SLC4A11: variants seen among roughly 807,000 people sequenced by gnomAD.
SLC4A11 encodes bicarbonate transporter related protein 1.
A neutral mutation model predicts 95.0 loss-of-function variants in SLC4A11; 74 were observed. The ratio of observed to expected loss-of-function variants is 0.78; its 90% CI spans 0.65 to 0.95. The LOEUF (loss-of-function observed/expected upper bound fraction) is 0.95, where lower values mean the gene tolerates loss of function less well. Ranked by LOEUF, SLC4A11 falls within the 40% of genes least tolerant of loss-of-function variation. The probability of loss-of-function intolerance (pLI) is 0.00; values close to 1 mark genes in which losing one functional copy is unlikely to be tolerated. For missense variants in SLC4A11, 1,081 were observed against 1,192.4 expected, an observed-to-expected ratio of 0.91 and a Z score of 1.38; for synonymous variants, 548 against 519.0, an observed-to-expected ratio of 1.06 and a Z score of -0.76.
Position 3,227,866 on chromosome 20 carries a change from G to A in SLC4A11, c.2559-10C>T. 1.2e-6 allele frequency: 2 copies of A among 1,612,114 alleles called. No individual in the cohort carries two copies. Among genetic ancestry groups the A allele is most frequent in the African/African-American group, 1.3e-5 (1 of 74,982 alleles). ...GGGCAGCAGGATATAGCTGTGGGGA[G>A]GGAGGGACAGGAGGATGAGCCTGGG... On this transcript the variant is annotated splice_polypyrimidine_tract_variant and intron_variant, in intron 19 of 19. Transcript: ENST00000642402.
rs767506230 is a variant in SLC4A11 at position 3,229,237 on chromosome 20, C to T, written c.1876G>A (p.Glu626Lys). The T allele has an allele frequency of 3.3e-5, 54 of 1,612,826 alleles. No individual in the cohort carries two copies. Among genetic ancestry groups the T allele is most frequent in the African/African-American group, 9.3e-5 (7 of 74,926 alleles). ...ATCTGCGCCATCGCAAAGGGGCTCT[C>T]GCTGGGGTTGTAGCGGAACTTGCTC... ...EMSKFRYNPSESPFAMAQIQS... is the reference protein window; with the variant it reads ...EMSKFRYNPSKSPFAMAQIQS... Residue 626 changes from glutamate (E) to lysine (K), a missense_variant, in exon 16 of 20, where the codon GAG becomes AAG. Physicochemically the swap from Glu to Lys is moderately conservative, Grantham distance 56. Around this residue, in one of 3 missense-constraint regions of SLC4A11, gnomAD observed 767 missense variants for 858.0 expected, o/e 0.89. Coordinates refer to ENST00000642402, the MANE Select transcript of SLC4A11 (RefSeq NM_001174089.2).
At chr20:3,233,483 T>G (rs2067849720) in intron 7 of SLC4A11, 31 bp downstream of exon 7, 14 of 1,612,484 alleles carry the variant, frequency 8.7e-6, no homozygotes, top group Non-Finnish European at 1.2e-5. Context: ...GGGCCCTCCT[T>G]CTTCCCCAGG....
At chr20:3,227,417 T>C (rs907374412), downstream of SLC4A11, 11 of 296,484 alleles carry the variant, frequency 3.7e-5, no homozygotes, top group African/African-American at 8.6e-5. Context: ...AGGTGGCACA[T>C]AGGAGCCTAG....
In SLC4A11 at chr20:3,232,475, C is replaced by T. The variant is rs141326250; in HGVS notation, c.730-927G>A. On this transcript the variant is annotated intron_variant, in intron 7 of 19. Coordinates refer to ENST00000642402, the MANE Select transcript of SLC4A11 (RefSeq NM_001174089.2). ...AACTTTTTTGGGAGGCTAAGGCAGG[C>T]AGATCACTTGAGGTCAAGAGTTCAA... 4.8e-3 allele frequency among the ~76,000 whole-genome samples: 724 copies of T among 152,364 alleles called. 5 individuals carry two copies. Among genetic ancestry groups the T allele is most frequent in the African/African-American group, 0.017 (688 of 41,582 alleles).
In SLC4A11 at chr20:3,233,645, G is replaced by T; in HGVS notation, c.606-8C>A. The T allele has an allele frequency of 6.2e-7, 1 of 1,611,484 alleles. No homozygotes were observed. Among genetic ancestry groups the T allele is most frequent in the Non-Finnish European group, 8.5e-7 (1 of 1,179,992 alleles). ...AGGGCCTTCATGGTACAGCTGGCAG[G>T]GGCGGGGAGGACACAGTGCACAGTT... On this transcript the variant is annotated splice_polypyrimidine_tract_variant and splice_region_variant and intron_variant, in intron 6 of 19. Transcript: ENST00000642402.
At position 3,230,641 on chromosome 20, in the gene SLC4A11, C is replaced by G. The variant is rs373639245; in HGVS notation, c.1289G>C (p.Arg430Pro). The stretch of plus-strand genomic sequence containing the variant: ...CAGGTCATAGTCATCACAGATGACA[C>G]GAATCACTGCAGGCAGGGGGCAGGG... ...APLALYIQVI[R>P]VICDDYDLDF... Residue 430 changes from arginine to proline, a missense_variant, in exon 12 of 20, where the codon CGT becomes CCT. Arg to Pro is a moderately radical substitution (Grantham distance 103, BLOSUM62 -2). Coordinates refer to ENST00000642402, the MANE Select transcript of SLC4A11 (RefSeq NM_001174089.2). 3 of 1,613,358 alleles carry G rather than the reference C, an allele frequency of 1.9e-6. No individual in the cohort carries two copies. Among genetic ancestry groups the G allele is most frequent in the Non-Finnish European group, 1.7e-6 (2 of 1,179,956 alleles).
In SLC4A11 at chr20:3,229,696, G is replaced by T. The variant is rs935729454; in HGVS notation, c.1570C>A (p.Leu524Ile). 6.2e-7 allele frequency: 1 copy of T among 1,613,948 alleles called. No individual in the cohort carries two copies. Among genetic ancestry groups the T allele is most frequent in the African/African-American group, 1.3e-5 (1 of 75,060 alleles). The change falls in exon 14 of 20, where the codon CTC (leucine) becomes ATC (isoleucine). Residue 524 changes from leucine to isoleucine, a missense_variant. Leu to Ile is a conservative substitution (Grantham distance 5). Coordinates refer to ENST00000642402, the MANE Select transcript of SLC4A11 (RefSeq NM_001174089.2). ...AGGCTGGCGTTGAGGCTGGCGCCGA[G>T]GCCTGACAGGCTGACAAGGGATGAA... ...RTSSLVSLSG[L>I]GASLNASLHT...
intron 2 of SLC4A11, among the ~76,000 whole-genome samples, chr20:3,235,439 C>T (rs187575714): frequency 2.0e-5 from 3 of 152,168 alleles, no homozygotes; most frequent in East Asian, 3.9e-4. Flanking sequence ...AGACCCAGGA[C>T]AGGTATCAGA....
At chr20:3,239,074 C>A in intron 1 of SLC4A11, 21 bp downstream of exon 1, 1 of 1,470,226 alleles carries the variant, frequency 6.8e-7, no homozygotes, top group Non-Finnish European at 9.0e-7. Flanking sequence ...TCCCGCCGCG[C>A]CCCCGGGTTC....
chr20:3,233,366 A>G, intron 7 of SLC4A11, 148 bp downstream of exon 7: 5 of 1,181,000 alleles, frequency 4.2e-6, no homozygotes, highest in South Asian at 2.7e-5. Context: ...GCCTAGCAAC[A>G]TGTTTCTGAC....
rs1261171078 is a variant in SLC4A11 at position 3,237,665 on chromosome 20, C to T, written c.44-77G>A. 6.2e-7 allele frequency: 1 copy of T among 1,613,954 alleles called. No homozygotes were observed. Among genetic ancestry groups the T allele is most frequent in the South Asian group, 1.1e-5 (1 of 91,094 alleles). On this transcript the variant is annotated intron_variant, in intron 1 of 19. Coordinates refer to ENST00000642402, the MANE Select transcript of SLC4A11 (RefSeq NM_001174089.2). ...CCTGTGTGCACCTGTCTCCCCGCCC[C>T]CCGACCTGGCTCATTCCTTCGCTCT...
chr20:3,238,699 C>G (rs1167196755), intron 1 of SLC4A11: 8 of 1,014,786 alleles, frequency 7.9e-6, no homozygotes, highest in Non-Finnish European at 3.5e-6. Context: ...GGAAGATGCC[C>G]GGGCGGAAGG....
At position 3,228,893 on chromosome 20, in the gene SLC4A11, C is replaced by G; in HGVS notation, c.2137G>C (p.Val713Leu). The G allele has an allele frequency of 6.2e-7, 1 of 1,613,974 alleles. No homozygotes were observed. The highest frequency in any genetic ancestry group is 8.5e-7 in the Non-Finnish European group (1 of 1,180,028). Residue 713 changes from valine (V) to leucine (L), a missense_variant, in exon 17 of 20, where the codon GTG (valine) becomes CTG (leucine). Around this residue, in one of 3 missense-constraint regions of SLC4A11, gnomAD observed 767 missense variants for 858.0 expected, o/e 0.89. Transcript: ENST00000642402. ...TCCTCCACTAAGGCCAGGGCTCGCA[C>G]GTGCAGCGGGGAGTGGGGGTAGGCG... ...HAAYPHSPLH[V>L]RALALVEERV...
At chr20:3,233,691 T>C (rs1426035530) in intron 6 of SLC4A11, 54 bp from the exon 7 acceptor site, 2 of 1,604,266 alleles carry the variant, frequency 1.2e-6, no homozygotes, top group Non-Finnish European at 1.7e-6. Flanking sequence ...GAGCTGGGGC[T>C]CCCCGACCCA....
rs763568738 is a variant in SLC4A11 at position 3,230,711 on chromosome 20, C to T, written c.1282+21G>A. 3 of 1,613,014 alleles carry T rather than the reference C, an allele frequency of 1.9e-6. No homozygotes were observed. In the Admixed American group the frequency reaches 5.0e-5, roughly 27 times the overall value. On this transcript the variant is annotated intron_variant, in intron 11 of 19. Coordinates refer to ENST00000642402, the MANE Select transcript of SLC4A11 (RefSeq NM_001174089.2). ...AACCAGGGGTCTCAGGCACCATCTC[C>T]CGCCTCAGCCCCCACTGCACCCTGG...
At chr20:3,236,351 C>A (rs767765118) in intron 2 of SLC4A11, among the ~76,000 whole-genome samples, 9 of 152,172 alleles carry the variant, frequency 5.9e-5, no homozygotes, top group East Asian at 1.9e-4. Context: ...CCAAGGCAGG[C>A]GGATCACGAG....
At chr20:3,235,309 T>TCACACACACACACACAAACACACACA (rs2067942008) in intron 2 of SLC4A11, among the ~76,000 whole-genome samples, 2 of 123,540 alleles carry the variant, frequency 1.6e-5, no homozygotes, top group African/African-American at 6.3e-5. Context: ...TCTCTCTCTC[T>TCACACACACACACACAAACACACACA]CACACACACA....
chr20:3,232,543 A>G (rs2122574794), intron 7 of SLC4A11, among the ~76,000 whole-genome samples: 1 of 152,340 alleles, frequency 6.6e-6, no homozygotes, highest in East Asian at 1.9e-4. Context: ...TCTACTAAAA[A>G]TACAAAATAA....
rs770842348 is a variant in SLC4A11, at chr20:3,228,866, G to A, written c.2164C>T (p.Arg722Cys). ...TCATAGATGTGTCCGTTCTCCACAC[G>A]CTCCTCCACTAAGGCCAGGGCTCGC... ...HVRALALVEE[R>C]VENGHIYDTI... Residue 722 changes from arginine (R) to cysteine (C), a missense_variant, in exon 17 of 20, where the codon CGT (arginine) becomes TGT (cysteine). Around this residue, in one of 3 missense-constraint regions of SLC4A11, gnomAD observed 767 missense variants for 858.0 expected, o/e 0.89. Transcript: ENST00000642402. The A allele has an allele frequency of 2.4e-5, 38 of 1,613,760 alleles. No homozygotes were observed. In the South Asian group the frequency reaches 3.5e-4, roughly 15 times the overall value.
Sources: gnomAD v4.1 joint callset for allele counts (sites outside exome capture counted in the v4.1 genomes callset) on GRCh38, gnomAD v4.1.1 for gene constraint, gnomAD v4.1.1 regional missense constraint, MANE v1.5 for transcripts, NCBI Gene and HGNC (gene_info 2026-07-23, HGNC 2026-07-21) for gene names.